The following GABRG3 variants were observed in gnomAD, a reference collection of about 807,000 sequenced individuals.
GABRG3 encodes the protein gamma-aminobutyric acid receptor subunit gamma-3.
GABRG3 carries 25 observed loss-of-function variants against 48.8 expected under a neutral mutation model. The ratio of observed to expected loss-of-function variants is 0.51; its 90% confidence interval spans 0.37 to 0.72. The LOEUF is 0.72. GABRG3 is among the 30% of genes least tolerant of loss of function. GABRG3 has a pLI of 0.00. For missense variants in GABRG3, 394 were observed against 577.9 expected, an observed-to-expected ratio of 0.68 and a Z score of 3.26; for synonymous variants, 227 against 217.6, an observed-to-expected ratio of 1.04 and a Z score of -0.38.
chr15:27,014,352 T>A lies in GABRG3; in HGVS notation c.203-12402T>A, dbSNP rs189250084. Among the ~76,000 whole-genome samples the A allele has an allele frequency of 2.9e-4, 44 of 151,924 alleles. 1 individual carries two copies. In the East Asian group the frequency reaches 8.5e-3, roughly 29 times the overall value. ...CTTCAGCTACATTTCTTTATTTTTT[T>A]TTTTTTAGTTTTTTGAGGGTGTAAA... On this transcript the variant is annotated intron_variant, in intron 2 of 9. Transcript: ENST00000615808.
At chr15:27,071,695 G>A (rs1449374153) in intron 3 of GABRG3, among the ~76,000 whole-genome samples, 1 of 152,210 alleles carries the variant, frequency 6.6e-6, no homozygotes, top group Non-Finnish European at 1.5e-5. Flanking sequence ...AATATCAACT[G>A]GAGATATGCT....
chr15:27,275,044 C>A (rs1324091214), intron 3 of GABRG3, among the ~76,000 whole-genome samples: 1 of 152,130 alleles, frequency 6.6e-6, no homozygotes, highest in Non-Finnish European at 1.5e-5. Flanking sequence ...ATTAGAGCTG[C>A]AATAACCTGA....
At chr15:27,095,916 G>C (rs934334698) in intron 3 of GABRG3, among the ~76,000 whole-genome samples, 2 of 152,070 alleles carry the variant, frequency 1.3e-5, no homozygotes, top group African/African-American at 4.8e-5. Flanking sequence ...TGTCCCCCAG[G>C]ACCCGCCTTC....
intron 3 of GABRG3, among the ~76,000 whole-genome samples, chr15:27,200,125 G>A (rs1888633498): frequency 6.6e-6 from 1 of 151,934 alleles, no homozygotes; most frequent in Non-Finnish European, 1.5e-5. Flanking sequence ...GTAAAACAAA[G>A]CAACAAGTAG....
chr15:27,016,911 T>G (rs1244657560), intron 2 of GABRG3, among the ~76,000 whole-genome samples: 1 of 152,234 alleles, frequency 6.6e-6, no homozygotes, highest in Non-Finnish European at 1.5e-5. Flanking sequence ...ATTCGCTTAA[T>G]GTATTCCTCA....
At chr15:27,052,193 C>T (rs1382509284) in intron 3 of GABRG3, among the ~76,000 whole-genome samples, 1 of 152,176 alleles carries the variant, frequency 6.6e-6, no homozygotes, top group East Asian at 1.9e-4. Flanking sequence ...ATGGTGTGTT[C>T]TCTGTCCCAC....
At chr15:27,474,189 T>C (rs976945456) in intron 5 of GABRG3, among the ~76,000 whole-genome samples, 1 of 152,202 alleles carries the variant, frequency 6.6e-6, no homozygotes, top group African/African-American at 2.4e-5. Context: ...CATTTTCTTC[T>C]TCAAAAATTT....
At chr15:27,350,471 GC>G (rs1251149701) in intron 5 of GABRG3, 2 of 297,256 alleles carry the variant, frequency 6.7e-6, no homozygotes, top group Non-Finnish European at 1.3e-5. Flanking sequence ...TTCAGTATAA[GC>G]AGAAGCCTTC....
At chr15:27,082,925 C>T (rs1897015373) in intron 3 of GABRG3, among the ~76,000 whole-genome samples, 1 of 152,192 alleles carries the variant, frequency 6.6e-6, no homozygotes, top group Non-Finnish European at 1.5e-5. Flanking sequence ...CCCGAACTCC[C>T]TGCATCTTGG....
At chr15:27,061,669 C>G (rs1896648732) in intron 3 of GABRG3, among the ~76,000 whole-genome samples, 1 of 151,988 alleles carries the variant, frequency 6.6e-6, no homozygotes, top group South Asian at 2.1e-4. Flanking sequence ...GGCAAGTCTC[C>G]CTATCTCCTA....
intron 1 of GABRG3, 50 bp downstream of exon 1, chr15:26,971,638 G>C: frequency 1.3e-6 from 2 of 1,506,830 alleles, no homozygotes; most frequent in East Asian, 5.4e-5. Flanking sequence ...TGGGCGACAG[G>C]GCGGCGGGGG....
intron 3 of GABRG3, among the ~76,000 whole-genome samples, chr15:27,309,459 T>C (rs958242438): frequency 6.6e-6 from 1 of 151,874 alleles, no homozygotes; most frequent in African/African-American, 2.4e-5. Flanking sequence ...CATCTACATA[T>C]AAAAAATGAA....
rs1172457408 is a variant in GABRG3 at position 27,537,661 on chromosome 15, TC to T, written c.*4781del. The T allele has an allele frequency of 6.6e-6, 1 of 152,116 alleles. No homozygotes were observed. Among genetic ancestry groups the T allele is most frequent in the Non-Finnish European group, 1.5e-5 (1 of 68,008 alleles). 9.4% of individuals were successfully genotyped at this position (152,116 alleles called of 1,614,324 possible). On this transcript the variant is annotated 3_prime_UTR_variant, in exon 10 of 10. Transcript: ENST00000615808. ...AGAATTAAAAACTTGGCTTTCTTTT[TC>T]TTAATGTCTAATAGTTTTGAAGACT... is the stretch of plus-strand genomic sequence containing the variant.
chr15:27,038,564 C>A (rs920941574), intron 3 of GABRG3, among the ~76,000 whole-genome samples: 1 of 152,220 alleles, frequency 6.6e-6, no homozygotes, highest in African/African-American at 2.4e-5. Context: ...ACCGGCTTCC[C>A]TTCCCTGTGT....
At chr15:27,456,032 CCCA>C (rs1889265687) in intron 5 of GABRG3, among the ~76,000 whole-genome samples, 1 of 152,124 alleles carries the variant, frequency 6.6e-6, no homozygotes. Context: ...ACATCTGGGG[CCCA>C]CCCTTAGCTT....
intron 3 of GABRG3, among the ~76,000 whole-genome samples, chr15:27,171,036 G>T (rs907514815): frequency 1.3e-5 from 2 of 152,208 alleles, no homozygotes; most frequent in African/African-American, 4.8e-5. Context: ...CAGAAAAGCA[G>T]GGAGCGGGGC....
intron 5 of GABRG3, among the ~76,000 whole-genome samples, chr15:27,388,655 C>A (rs1007636025): frequency 6.6e-6 from 1 of 152,050 alleles, no homozygotes; most frequent in Non-Finnish European, 1.5e-5. Context: ...TTATCTTACC[C>A]CACAATGCAT....
intron 3 of GABRG3, among the ~76,000 whole-genome samples, chr15:27,297,087 A>C (rs1363897413): frequency 6.6e-6 from 1 of 152,148 alleles, no homozygotes; most frequent in Non-Finnish European, 1.5e-5. Context: ...AAAGGTAAAA[A>C]AGATTTAAAA....
chr15:27,469,953 A>G (rs1473378617), intron 5 of GABRG3, among the ~76,000 whole-genome samples: 3 of 152,212 alleles, frequency 2.0e-5, no homozygotes, highest in African/African-American at 7.2e-5. Context: ...AGTGGGTAAC[A>G]GCCTTGGCCT....
Sources: allele counts gnomAD v4.1 joint callset (sites outside exome capture counted in the v4.1 genomes callset), GRCh38; gene constraint gnomAD v4.1.1; transcripts MANE v1.5; gene names NCBI Gene and HGNC (gene_info 2026-07-23, HGNC 2026-07-21).